Variants in EDIL3 observed in about 807,000 individuals in gnomAD.
The protein encoded by EDIL3 is EGF like and discoidin domains 3.
EDIL3 carries 37 observed loss-of-function variants against 67.4 expected under a neutral mutation model. The ratio of observed to expected loss-of-function variants is 0.55; its 90% CI spans 0.42 to 0.72. The LOEUF is 0.72. Ranked by LOEUF, EDIL3 falls within the 30% of genes least tolerant of loss-of-function variation. The pLI is 0.00. For missense variants in EDIL3, 527 were observed against 586.3 expected, an observed-to-expected ratio of 0.90 and a Z score of 1.04; for synonymous variants, 195 against 196.3, an observed-to-expected ratio of 0.99 and a Z score of 0.05.
chr5:84,014,609 C>T (rs1745568636), intron 9 of EDIL3, among the ~76,000 whole-genome samples: 1 of 152,182 alleles, frequency 6.6e-6, no homozygotes, highest in African/African-American at 2.4e-5. Flanking sequence ...CATGCCACTG[C>T]ACTCCAGCCT....
intron 8 of EDIL3, among the ~76,000 whole-genome samples, chr5:84,061,957 T>G (rs2269283): frequency 0.19 from 28,729 of 152,014 alleles, 3,021 homozygotes; most frequent in Admixed American, 0.24. Flanking sequence ...ACTAATTGCC[T>G]TCTGTCCTGG....
At chr5:84,023,864 T>G (rs1261719662) in intron 9 of EDIL3, among the ~76,000 whole-genome samples, 5 of 152,138 alleles carry the variant, frequency 3.3e-5, no homozygotes, top group Admixed American at 6.6e-5. Flanking sequence ...CATATTTAAA[T>G]CACTTGCAAG....
intron 1 of EDIL3, among the ~76,000 whole-genome samples, chr5:84,383,076 T>C (rs1240879061): frequency 1.3e-5 from 2 of 152,244 alleles, no homozygotes; most frequent in Non-Finnish European, 2.9e-5. Flanking sequence ...TCAAGTGGAC[T>C]GGAGTCAACG....
At chr5:84,052,385 G>A (rs1746357155) in intron 9 of EDIL3, among the ~76,000 whole-genome samples, 1 of 152,120 alleles carries the variant, frequency 6.6e-6, no homozygotes. Context: ...TCAATGCTAG[G>A]AAGAAACTGC....
At chr5:84,272,646 T>C (rs1200330169) in intron 1 of EDIL3, among the ~76,000 whole-genome samples, 4 of 152,168 alleles carry the variant, frequency 2.6e-5, no homozygotes, top group African/African-American at 9.7e-5. Flanking sequence ...GCCTAATAAA[T>C]GCAACTCATA....
At chr5:84,242,804 A>AC in intron 2 of EDIL3, among the ~76,000 whole-genome samples, 1 of 127,620 alleles carries the variant, frequency 7.8e-6, no homozygotes. Context: ...AAAAAAAAAA[A>AC]AAAAAAAACT....
chr5:84,291,101 C>T (rs1472006540), intron 1 of EDIL3, among the ~76,000 whole-genome samples: 1 of 152,152 alleles, frequency 6.6e-6, no homozygotes, highest in African/African-American at 2.4e-5. Flanking sequence ...GCCTGCCCAA[C>T]AGTGAGTTTA....
chr5:84,264,150 G>C (rs111548241), intron 1 of EDIL3, among the ~76,000 whole-genome samples: 4,547 of 152,246 alleles, frequency 0.03, 213 homozygotes, highest in African/African-American at 0.1. Context: ...GGAGGCTGAG[G>C]CATGAGAATC....
At chr5:84,262,652 T>C (rs979531128) in intron 1 of EDIL3, among the ~76,000 whole-genome samples, 4 of 134,092 alleles carry the variant, frequency 3.0e-5, no homozygotes, top group African/African-American at 1.1e-4. Flanking sequence ...ATTCCCAAGG[T>C]TGGTTGGTTT....
At chr5:84,090,162 G>A (rs147904961) in intron 6 of EDIL3, among the ~76,000 whole-genome samples, 12 of 152,272 alleles carry the variant, frequency 7.9e-5, no homozygotes, top group African/African-American at 2.6e-4. Context: ...ACCATTTTTA[G>A]TTCATGGAGG....
chr5:83,955,253 A>C (rs2112121379), intron 10 of EDIL3, among the ~76,000 whole-genome samples: 1 of 151,886 alleles, frequency 6.6e-6, no homozygotes, highest in Non-Finnish European at 1.5e-5. Context: ...AGATAAAAAT[A>C]GGAAGATTTT....
intron 1 of EDIL3, among the ~76,000 whole-genome samples, chr5:84,342,401 AT>A (rs1284099161): frequency 6.6e-6 from 1 of 152,002 alleles, no homozygotes; most frequent in Non-Finnish European, 1.5e-5. Flanking sequence ...ATGACAGACA[AT>A]GGAGACTCAG....
intron 9 of EDIL3, among the ~76,000 whole-genome samples, chr5:83,989,214 G>A (rs555571438): frequency 1.3e-5 from 2 of 152,168 alleles, no homozygotes; most frequent in East Asian, 3.9e-4. Context: ...GCTGAACAAA[G>A]AGAAATAGCC....
At chr5:84,090,285 T>C (rs1325555843) in intron 6 of EDIL3, among the ~76,000 whole-genome samples, 1 of 152,236 alleles carries the variant, frequency 6.6e-6, no homozygotes, top group Non-Finnish European at 1.5e-5. Flanking sequence ...TGCCATCCAT[T>C]GCTTTAAAAT....
At chr5:84,054,398 C>A (rs2112228571) in intron 9 of EDIL3, among the ~76,000 whole-genome samples, 1 of 152,282 alleles carries the variant, frequency 6.6e-6, no homozygotes, top group Admixed American at 6.5e-5. Flanking sequence ...AAAACTGCCA[C>A]AAGACAGGGA....
intron 6 of EDIL3, among the ~76,000 whole-genome samples, chr5:84,105,863 A>T (rs946301171): frequency 2.6e-5 from 4 of 152,020 alleles, no homozygotes; most frequent in Non-Finnish European, 4.4e-5. Context: ...GCCCCAGGTG[A>T]GTTTCTCAAG....
intron 3 of EDIL3, among the ~76,000 whole-genome samples, chr5:84,188,568 G>A (rs1007224808): frequency 6.6e-6 from 1 of 151,636 alleles, no homozygotes; most frequent in Admixed American, 6.6e-5. Context: ...GTGTCCCCCC[G>A]AGAACTTATA....
chr5:84,034,727 G>T (rs987987689), intron 9 of EDIL3, among the ~76,000 whole-genome samples: 1 of 152,126 alleles, frequency 6.6e-6, no homozygotes, highest in Non-Finnish European at 1.5e-5. Context: ...TTAAGATGAG[G>T]AGTCCTGGGA....
chr5:84,060,505 C>T, intron 8 of EDIL3, 21 bp from the exon 9 acceptor site: 1 of 1,610,434 alleles, frequency 6.2e-7, no homozygotes, highest in Non-Finnish European at 8.5e-7. Context: ...ATGAGAAGGG[C>T]TCCATGAGAA....
Sources: gnomAD v4.1 joint callset for allele counts (sites outside exome capture counted in the v4.1 genomes callset) on GRCh38, gnomAD v4.1.1 for gene constraint, MANE v1.5 for transcripts, NCBI Gene and HGNC (gene_info 2026-07-23, HGNC 2026-07-21) for gene names.